The following PDLIM5 variants were observed in gnomAD, a reference collection of about 807,000 sequenced individuals.
The protein encoded by PDLIM5 is PDZ and LIM domain 5.
PDLIM5 carries 34 observed loss-of-function variants against 64.2 expected under a neutral mutation model. The ratio of observed to expected loss-of-function variants is 0.53; its 90% CI spans 0.40 to 0.71. The LOEUF is 0.71. Ranked by LOEUF, PDLIM5 falls within the 30% of genes least tolerant of loss-of-function variation. The pLI is 0.00. For missense variants in PDLIM5, 683 were observed against 733.6 expected (o/e 0.93, Z 0.80); for synonymous variants, 253 against 269.1 (o/e 0.94, Z 0.59).
chr4:94,659,582 C>T (rs1742507865), intron 11 of PDLIM5, among the ~76,000 whole-genome samples: 1 of 151,080 alleles, frequency 6.6e-6, no homozygotes, highest in South Asian at 2.1e-4. Flanking sequence ...GGCTGGAGTG[C>T]AGTGGCGCAA....
At chr4:94,525,426 C>G (rs1324266163) in intron 3 of PDLIM5, among the ~76,000 whole-genome samples, 1 of 146,474 alleles carries the variant, frequency 6.8e-6, no homozygotes, top group African/African-American at 2.6e-5. Context: ...GCCCCACCCC[C>G]CAAAAAAATA....
intron 2 of PDLIM5, among the ~76,000 whole-genome samples, chr4:94,458,008 G>C (rs1478705785): frequency 6.6e-6 from 1 of 152,104 alleles, no homozygotes; most frequent in Non-Finnish European, 1.5e-5. Context: ...AGGAGAGAAG[G>C]GAATGTTGGC....
chr4:94,544,045 T>TA (rs1732088937), intron 3 of PDLIM5, among the ~76,000 whole-genome samples: 1 of 152,168 alleles, frequency 6.6e-6, no homozygotes, highest in Non-Finnish European at 1.5e-5. Flanking sequence ...CCACTAGCAG[T>TA]ACGCTAAGGG....
intron 2 of PDLIM5, among the ~76,000 whole-genome samples, chr4:94,487,331 C>A (rs1237896053): frequency 1.3e-5 from 2 of 152,022 alleles, no homozygotes; most frequent in African/African-American, 4.8e-5. Flanking sequence ...AGAACTTGAC[C>A]AGCTGGAATA....
At chr4:94,628,343 G>T (rs1312382167) in intron 8 of PDLIM5, among the ~76,000 whole-genome samples, 1 of 151,990 alleles carries the variant, frequency 6.6e-6, no homozygotes, top group Non-Finnish European at 1.5e-5. Context: ...ACATAACTTT[G>T]AAAAATGATA....
chr4:94,634,616 C>T (rs1391949526), intron 8 of PDLIM5, among the ~76,000 whole-genome samples: 1 of 152,132 alleles, frequency 6.6e-6, no homozygotes, highest in East Asian at 1.9e-4. Context: ...ATTTGAACCA[C>T]AGAATCAACT....
chr4:94,623,836 C>G (rs900447150), intron 8 of PDLIM5, among the ~76,000 whole-genome samples: 1 of 152,166 alleles, frequency 6.6e-6, no homozygotes, highest in African/African-American at 2.4e-5. Flanking sequence ...CCAAAGGCTG[C>G]TATTAGAAAA....
intron 3 of PDLIM5, among the ~76,000 whole-genome samples, chr4:94,525,004 G>T (rs1488957563): frequency 6.6e-6 from 1 of 152,080 alleles, no homozygotes; most frequent in African/African-American, 2.4e-5. Flanking sequence ...TACAAAAAGT[G>T]TTCTGAATTC....
At chr4:94,470,929 G>A (rs1476275413) in intron 2 of PDLIM5, among the ~76,000 whole-genome samples, 6 of 152,156 alleles carry the variant, frequency 3.9e-5, no homozygotes, top group Admixed American at 3.9e-4. Flanking sequence ...TCATAATCAT[G>A]GTGGAAGCGA....
intron 9 of PDLIM5, among the ~76,000 whole-genome samples, chr4:94,643,039 C>T (rs754187446): frequency 2.6e-5 from 4 of 151,958 alleles, no homozygotes; most frequent in Non-Finnish European, 5.9e-5. Flanking sequence ...AACTAAAGCA[C>T]ATTTTATGTT....
At chr4:94,496,644 C>G (rs529622264) in intron 2 of PDLIM5, among the ~76,000 whole-genome samples, 1 of 152,128 alleles carries the variant, frequency 6.6e-6, no homozygotes, top group Non-Finnish European at 1.5e-5. Flanking sequence ...TGTGCACTAC[C>G]ATGCCTGGCT....
intron 3 of PDLIM5, among the ~76,000 whole-genome samples, chr4:94,565,307 A>G (rs1734221545): frequency 6.6e-6 from 1 of 152,342 alleles, no homozygotes; most frequent in East Asian, 1.9e-4. Context: ...ACGATAAAAA[A>G]TGTATTATTC....
At chr4:94,553,300 G>A (rs556334538) in intron 3 of PDLIM5, among the ~76,000 whole-genome samples, 1 of 151,906 alleles carries the variant, frequency 6.6e-6, no homozygotes, top group African/African-American at 2.4e-5. Flanking sequence ...ATAGAGACAG[G>A]GTTTAGCCAT....
chr4:94,529,311 G>A (rs541949843), intron 3 of PDLIM5, among the ~76,000 whole-genome samples: 1 of 152,220 alleles, frequency 6.6e-6, no homozygotes, highest in South Asian at 2.1e-4. Context: ...ACTGGATGAG[G>A]ACCACTGCTG....
intron 7 of PDLIM5, among the ~76,000 whole-genome samples, chr4:94,601,905 A>G (rs1050137582): frequency 6.6e-6 from 1 of 152,230 alleles, no homozygotes; most frequent in Admixed American, 6.5e-5. Context: ...CAAACTCAAC[A>G]TATTTATTGT....
intron 8 of PDLIM5, among the ~76,000 whole-genome samples, chr4:94,635,556 G>A (rs1740490991): frequency 6.6e-6 from 1 of 152,040 alleles, no homozygotes; most frequent in African/African-American, 2.4e-5. Flanking sequence ...AATGGTTTTT[G>A]CAATGGGTTC....
intron 8 of PDLIM5, among the ~76,000 whole-genome samples, chr4:94,620,840 G>A (rs1344955192): frequency 2.6e-5 from 4 of 151,802 alleles, no homozygotes; most frequent in Non-Finnish European, 4.4e-5. Flanking sequence ...GGCGGATCAC[G>A]AGGTCAGGAG....
At chr4:94,573,414 C>G in intron 4 of PDLIM5, 21 bp downstream of exon 4, 1 of 1,587,016 alleles carries the variant, frequency 6.3e-7, no homozygotes, top group Non-Finnish European at 8.7e-7. Flanking sequence ...AAGCTAGCAC[C>G]CAGAGTATCA....
rs139413367 is a variant in PDLIM5, at chr4:94,640,420, C to T, written c.1253C>T (p.Pro418Leu). 6 of 1,605,670 alleles carry T rather than the reference C, an allele frequency of 3.7e-6. No homozygotes were observed. Among genetic ancestry groups the T allele is most frequent in the African/African-American group, 1.3e-5 (1 of 74,352 alleles). The stretch of plus-strand genomic sequence containing the variant: ...CACATTCCAGCAGGGAAACGAACTC[C>T]GATGTGCGCCCATTGTAACCAGGTC... The part of the protein sequence containing the change: ...AEHIPAGKRT[P>L]MCAHCNQVIR... The change falls in exon 9 of 13, where the codon CCG becomes CTG. Residue 418 changes from proline to leucine, a missense_variant. Pro to Leu is a moderately conservative substitution (Grantham distance 98). Coordinates refer to ENST00000317968, the MANE Select transcript of PDLIM5 (RefSeq NM_006457.5).
Sources: allele counts gnomAD v4.1 joint callset (sites outside exome capture counted in the v4.1 genomes callset), GRCh38; gene constraint gnomAD v4.1.1; transcripts MANE v1.5; gene names NCBI Gene and HGNC (gene_info 2026-07-23, HGNC 2026-07-21).